Variants in XKR6 observed in about 807,000 individuals in gnomAD.
XKR6 encodes the protein XK related 6.
Under a neutral mutation model 56.7 loss-of-function variants are expected in XKR6, and 22 were observed. The observed-to-expected ratio is 0.39, with a 90% CI of 0.28 to 0.55. XKR6 has a LOEUF of 0.55. Among genes scored for constraint, XKR6 ranks in the 20% least tolerant of loss-of-function variants. The probability of loss-of-function intolerance (pLI) is 0.66; values close to 1 mark genes in which losing one functional copy is unlikely to be tolerated. For synonymous variants in XKR6, 524 were observed against 387.8 expected (o/e 1.35, Z -4.13); for missense variants, 852 against 889.0 (o/e 0.96, Z 0.53).
chr8:11,048,808 G>C (rs979642387), intron 1 of XKR6, among the ~76,000 whole-genome samples: 4 of 152,148 alleles, frequency 2.6e-5, no homozygotes, highest in African/African-American at 9.7e-5. Context: ...CGTGGTTCTG[G>C]GCCAGGCCTA....
intron 1 of XKR6, among the ~76,000 whole-genome samples, chr8:11,169,102 T>C (rs924637175): frequency 6.6e-6 from 1 of 152,110 alleles, no homozygotes; most frequent in African/African-American, 2.4e-5. Flanking sequence ...GAGTAGGCTT[T>C]CTCCAAGACC....
chr8:11,190,499 C>T (rs1407595022), intron 1 of XKR6, among the ~76,000 whole-genome samples: 1 of 152,146 alleles, frequency 6.6e-6, no homozygotes, highest in East Asian at 1.9e-4. Flanking sequence ...GAGTGAGGTA[C>T]TGAAAACTGT....
At chr8:11,032,847 C>A (rs1799024541) in intron 1 of XKR6, among the ~76,000 whole-genome samples, 1 of 152,180 alleles carries the variant, frequency 6.6e-6, no homozygotes, top group Admixed American at 6.5e-5. Context: ...TTGACACTGG[C>A]CCTCCCCTCA....
At chr8:11,112,354 G>C (rs1798942725) in intron 1 of XKR6, among the ~76,000 whole-genome samples, 1 of 151,976 alleles carries the variant, frequency 6.6e-6, no homozygotes, top group South Asian at 2.1e-4. Context: ...TTTAGCACAT[G>C]AACTAAGAAA....
intron 1 of XKR6, among the ~76,000 whole-genome samples, chr8:11,084,301 T>C (rs947662637): frequency 3.9e-5 from 6 of 152,268 alleles, no homozygotes; most frequent in Non-Finnish European, 5.9e-5. Context: ...CCGGTAATTC[T>C]GAGCAATTTG....
At chr8:11,119,272 G>A (rs1799331307) in intron 1 of XKR6, among the ~76,000 whole-genome samples, 1 of 152,176 alleles carries the variant, frequency 6.6e-6, no homozygotes, top group African/African-American at 2.4e-5. Context: ...GTGCTGAAAA[G>A]AATGTATATT....
chr8:11,138,922 T>TAA (rs398067574), intron 1 of XKR6, among the ~76,000 whole-genome samples: 41 of 137,032 alleles, frequency 3.0e-4, no homozygotes, highest in African/African-American at 7.7e-4. Flanking sequence ...ACCGGCAGAA[T>TAA]AAAAAAAAAA....
chr8:11,101,734 G>A (rs11986294), intron 1 of XKR6, among the ~76,000 whole-genome samples: 13 of 151,956 alleles, frequency 8.6e-5, no homozygotes, highest in African/African-American at 1.7e-4. Context: ...GCAGCCCTCC[G>A]TGATCTGCAT....
intron 1 of XKR6, among the ~76,000 whole-genome samples, chr8:10,984,728 C>A (rs868749730): frequency 0.049 from 3,244 of 66,124 alleles, 64 homozygotes; most frequent in African/African-American, 0.099. Context: ...CTCTCTCTCT[C>A]TCTCTATATA....
intron 1 of XKR6, among the ~76,000 whole-genome samples, chr8:11,102,747 A>T (rs1798532091): frequency 2.0e-5 from 3 of 152,200 alleles, no homozygotes. Context: ...ACATGGGAAG[A>T]GTTAATGTGC....
At chr8:10,953,706 T>C (rs1801796205) in intron 1 of XKR6, among the ~76,000 whole-genome samples, 1 of 152,198 alleles carries the variant, frequency 6.6e-6, no homozygotes, top group Admixed American at 6.5e-5. Flanking sequence ...AGATGTATAA[T>C]TCACCGGTTT....
chr8:11,096,072 T>C (rs1163946798), intron 1 of XKR6, among the ~76,000 whole-genome samples: 1 of 152,210 alleles, frequency 6.6e-6, no homozygotes, highest in Admixed American at 6.5e-5. Flanking sequence ...AAAGAATAAA[T>C]GAGGGAAAAT....
chr8:11,091,646 G>A (rs750597700), intron 1 of XKR6, among the ~76,000 whole-genome samples: 8 of 152,078 alleles, frequency 5.3e-5, no homozygotes, highest in Admixed American at 1.3e-4. Context: ...GTGCTGCCCT[G>A]AGATGCCGGT....
chr8:11,192,315 C>T (rs560106843), intron 1 of XKR6, among the ~76,000 whole-genome samples: 5 of 152,042 alleles, frequency 3.3e-5, no homozygotes, highest in Admixed American at 6.6e-5. Context: ...CGTGCCACCA[C>T]GCCCGGCTAA....
At chr8:10,902,602 G>C (rs73209953) in intron 2 of XKR6, among the ~76,000 whole-genome samples, 39,614 of 152,214 alleles carry the variant, frequency 0.26, 6,529 homozygotes, top group Non-Finnish European at 0.38. Context: ...CTTCTCCAAT[G>C]GTGGGAGCCT....
At chr8:11,039,199 A>G (rs958100442) in intron 1 of XKR6, among the ~76,000 whole-genome samples, 9 of 152,220 alleles carry the variant, frequency 5.9e-5, no homozygotes, top group Admixed American at 2.0e-4. Flanking sequence ...AGGGGAGGCC[A>G]CCAGCCAATG....
At chr8:11,092,912 G>A (rs1442522787) in intron 1 of XKR6, among the ~76,000 whole-genome samples, 1 of 152,208 alleles carries the variant, frequency 6.6e-6, no homozygotes, top group East Asian at 1.9e-4. Flanking sequence ...AGGAGACCTG[G>A]AGCAACTGGC....
chr8:11,201,307 C>G lies in XKR6; in HGVS notation c.33G>C (p.Gly11=). 1.3e-6 allele frequency: 2 copies of G among 1,580,038 alleles called. No individual in the cohort carries two copies. The highest frequency in any genetic ancestry group is 1.7e-6 in the Non-Finnish European group (2 of 1,173,024). MAAKSDGGGV[G]VGFAQLHNLD... ...GGTTGTGCAGCTGAGCGAAGCCCAC[C>G]CCCACGCCACCGCCATCGGATTTCG... The change falls in exon 1 of 3, where the codon GGG becomes GGC. Residue 11 remains glycine, a synonymous_variant. Coordinates refer to ENST00000416569, the MANE Select transcript of XKR6 (RefSeq NM_173683.4).
chr8:11,179,159 CTTCTT>C (rs1802837662), intron 1 of XKR6, among the ~76,000 whole-genome samples: 2 of 151,750 alleles, frequency 1.3e-5, no homozygotes, highest in South Asian at 2.1e-4. Flanking sequence ...ACCCAGCCCT[CTTCTT>C]TTAATTCATT....
Sources: allele counts gnomAD v4.1 joint callset (sites outside exome capture counted in the v4.1 genomes callset), GRCh38; gene constraint gnomAD v4.1.1; transcripts MANE v1.5; gene names NCBI Gene and HGNC (gene_info 2026-07-23, HGNC 2026-07-21).